The following TAFA2 variants were observed in gnomAD, a reference collection of about 807,000 sequenced individuals.
TAFA2 encodes chemokine-like protein TAFA-2.
In TAFA2, 7 loss-of-function variants were observed where a neutral mutation model predicts 18.8. The observed-to-expected ratio is 0.37, with a 90% CI of 0.21 to 0.70. The LOEUF (loss-of-function observed/expected upper bound fraction) is 0.70, where lower values mean the gene tolerates loss of function less well. Ranked by LOEUF, TAFA2 falls within the 30% of genes least tolerant of loss-of-function variation. TAFA2 has a pLI of 0.53. For synonymous variants in TAFA2, 60 were observed against 54.2 expected (o/e 1.11, Z -0.47); for missense variants, 122 against 158.1 (o/e 0.77, Z 1.23).
intron 2 of TAFA2, among the ~76,000 whole-genome samples, chr12:61,788,102 C>CA (rs1171097313): frequency 6.6e-6 from 1 of 151,292 alleles, no homozygotes; most frequent in East Asian, 1.9e-4. Context: ...TAAAAAGGAA[C>CA]AAAAAATGTC....
At chr12:62,202,821 C>CCTTTTTTTTTTTTTTTTTTTTTTT (rs368047311) in intron 1 of TAFA2, among the ~76,000 whole-genome samples, 2 of 61,626 alleles carry the variant, frequency 3.2e-5, no homozygotes. Context: ...CTGTGTGGTT[C>CCTTTTTTTTTTTTTTTTTTTTTTT]TTTTTTTTTT....
intron 1 of TAFA2, among the ~76,000 whole-genome samples, chr12:61,896,915 A>G (rs924926423): frequency 1.6e-4 from 24 of 152,204 alleles, no homozygotes; most frequent in African/African-American, 5.1e-4. Flanking sequence ...TGGGGGATAT[A>G]AAAGTTATCT....
At chr12:61,870,863 T>C (rs1874569780) in intron 1 of TAFA2, among the ~76,000 whole-genome samples, 1 of 152,190 alleles carries the variant, frequency 6.6e-6, no homozygotes, top group African/African-American at 2.4e-5. Flanking sequence ...CCACTTGCCA[T>C]ACCATATTAT....
At chr12:62,044,130 T>G (rs948818507) in intron 1 of TAFA2, among the ~76,000 whole-genome samples, 1 of 151,978 alleles carries the variant, frequency 6.6e-6, no homozygotes, top group African/African-American at 2.4e-5. Context: ...AAGGTATTAT[T>G]GGGCAGTGGG....
intron 1 of TAFA2, among the ~76,000 whole-genome samples, chr12:62,204,140 T>C (rs2062682668): frequency 6.6e-6 from 1 of 152,192 alleles, no homozygotes; most frequent in Non-Finnish European, 1.5e-5. Flanking sequence ...AATTCTTTTT[T>C]TTTTAAGAAT....
In TAFA2 at chr12:62,235,305, G is replaced by A. The variant is rs2062831815; in HGVS notation, c.-130+23458C>T. 4.5e-6 allele frequency: 3 copies of A among 668,918 alleles called. No individual in the cohort carries two copies. The Admixed American group carries it at 6.9e-5, about 15-fold the overall frequency. 41.4% of individuals were successfully genotyped at this position (668,918 alleles called of 1,614,324 possible). On this transcript the variant is annotated intron_variant, in intron 1 of 5. Transcript: ENST00000551619. Reference sequence around the variant, plus strand: ...CCCTGATGCCTCAACAGACAACAAGGGGGCCCTCGGCATCTCTGTCCTGTG... The same window carrying A: ...CCCTGATGCCTCAACAGACAACAAGAGGGCCCTCGGCATCTCTGTCCTGTG...
At chr12:62,253,573 A>C (rs1171673970) in intron 1 of TAFA2, 1 of 152,300 alleles carries the variant, frequency 6.6e-6, no homozygotes, top group South Asian at 2.1e-4. Flanking sequence ...TTCCTTCTAA[A>C]TTCGAGAAGC....
intron 1 of TAFA2, among the ~76,000 whole-genome samples, chr12:62,101,150 A>G (rs993605725): frequency 1.7e-4 from 26 of 152,096 alleles, no homozygotes; most frequent in African/African-American, 6.0e-4. Context: ...CAGGACCCAG[A>G]AGAGTCCTGA....
chr12:61,971,408 A>T (rs1231348074), intron 1 of TAFA2, among the ~76,000 whole-genome samples: 1 of 151,814 alleles, frequency 6.6e-6, no homozygotes, highest in Non-Finnish European at 1.5e-5. Flanking sequence ...TAATGGGTAC[A>T]GCACACCAAC....
At chr12:62,153,742 C>A (rs543671641) in intron 1 of TAFA2, among the ~76,000 whole-genome samples, 1 of 151,680 alleles carries the variant, frequency 6.6e-6, no homozygotes, top group Non-Finnish European at 1.5e-5. Flanking sequence ...GTATAGGATG[C>A]GGAATAAAAA....
intron 1 of TAFA2, among the ~76,000 whole-genome samples, chr12:62,182,085 C>T (rs1021636140): frequency 2.0e-5 from 3 of 150,224 alleles, no homozygotes; most frequent in African/African-American, 7.4e-5. Context: ...AGGAATAAGT[C>T]ACTATTGAAA....
At chr12:61,996,232 T>C (rs570756501) in intron 1 of TAFA2, among the ~76,000 whole-genome samples, 2 of 152,278 alleles carry the variant, frequency 1.3e-5, no homozygotes, top group East Asian at 1.9e-4. Flanking sequence ...CACACTGCCA[T>C]TAAAGAGTTT....
intron 1 of TAFA2, among the ~76,000 whole-genome samples, chr12:62,167,262 T>C (rs2062447279): frequency 2.0e-5 from 3 of 152,164 alleles, no homozygotes; most frequent in Non-Finnish European, 1.5e-5. Context: ...TCTGAATATG[T>C]CTTGTTTTCA....
chr12:62,232,206 C>T (rs534458095), intron 1 of TAFA2, among the ~76,000 whole-genome samples: 11 of 152,222 alleles, frequency 7.2e-5, no homozygotes, highest in Admixed American at 2.0e-4. Context: ...ACCTCTCCCT[C>T]ACCTACCAAA....
chr12:62,227,952 G>A lies in TAFA2; in HGVS notation c.-130+30811C>T, dbSNP rs978453472. On this transcript the variant is annotated intron_variant, in intron 1 of 5. Coordinates refer to the TAFA2 transcript ENST00000551619. ...GATTTATTTCTTGATTCTCTCTTCT[G>A]TTCCATGGGTCTATGTATATGTTTT... Among the ~76,000 whole-genome samples, 8 of 151,850 alleles carry A rather than the reference G, an allele frequency of 5.3e-5. 1 individual carries two copies. Among genetic ancestry groups the A allele is most frequent in the Admixed American group, 1.3e-4 (2 of 15,256 alleles).
intron 1 of TAFA2, among the ~76,000 whole-genome samples, chr12:62,231,305 A>G (rs928272914): frequency 3.3e-5 from 5 of 152,172 alleles, no homozygotes; most frequent in East Asian, 1.9e-4. Flanking sequence ...CACAATTATT[A>G]TATACTCTTG....
chr12:62,102,565 G>A (rs78645422), intron 1 of TAFA2, among the ~76,000 whole-genome samples: 8,239 of 152,218 alleles, frequency 0.054, 334 homozygotes, highest in Non-Finnish European at 0.083. Context: ...TGCTGAAATG[G>A]TGATTCCTGA....
At chr12:61,883,588 A>T (rs1592459081) in intron 1 of TAFA2, among the ~76,000 whole-genome samples, 1 of 152,314 alleles carries the variant, frequency 6.6e-6, no homozygotes, top group African/African-American at 2.4e-5. Flanking sequence ...TTGTGAGCTC[A>T]TGCAAGTAAG....
intron 1 of TAFA2, among the ~76,000 whole-genome samples, chr12:62,049,066 A>T (rs1380738336): frequency 6.6e-6 from 1 of 152,152 alleles, no homozygotes; most frequent in African/African-American, 2.4e-5. Flanking sequence ...TATATGAAAG[A>T]ATACTTTGAT....
Sources: allele counts gnomAD v4.1 joint callset (sites outside exome capture counted in the v4.1 genomes callset), GRCh38; gene constraint gnomAD v4.1.1; transcripts MANE v1.5; gene names NCBI Gene and HGNC (gene_info 2026-07-23, HGNC 2026-07-21).